CNTN4: variants seen among roughly 807,000 people sequenced by gnomAD.
The protein encoded by CNTN4 is contactin 4, also known as contactin-4.
Under a neutral mutation model 122.5 loss-of-function variants are expected in CNTN4, and 77 were observed. The observed-to-expected ratio is 0.63, with a 90% CI of 0.52 to 0.76. CNTN4 has a LOEUF of 0.76. CNTN4 is among the 30% of genes least tolerant of loss of function. CNTN4 has a pLI of 0.00. For missense variants in CNTN4, 1,256 were observed against 1,259.1 expected (o/e 1.00, Z 0.04); for synonymous variants, 512 against 447.0 (o/e 1.15, Z -1.83).
intron 2 of CNTN4, among the ~76,000 whole-genome samples, chr3:2,186,749 A>C (rs1022408673): frequency 6.6e-6 from 1 of 152,142 alleles, no homozygotes; most frequent in South Asian, 2.1e-4. Context: ...GTGTCTGTTC[A>C]TATCCTTTGC....
At chr3:2,507,130 G>A (rs1352592329) in intron 3 of CNTN4, among the ~76,000 whole-genome samples, 1 of 152,148 alleles carries the variant, frequency 6.6e-6, no homozygotes, top group Non-Finnish European at 1.5e-5. Flanking sequence ...TTTATACTTA[G>A]TCGGGTTTTA....
At chr3:2,423,097 A>G (rs1256106039) in intron 3 of CNTN4, among the ~76,000 whole-genome samples, 2 of 152,218 alleles carry the variant, frequency 1.3e-5, no homozygotes, top group African/African-American at 4.8e-5. Context: ...ACTGATAACC[A>G]ATTAAATAAA....
chr3:2,801,368 G>A (rs1443543982), intron 6 of CNTN4, among the ~76,000 whole-genome samples: 1 of 152,162 alleles, frequency 6.6e-6, no homozygotes, highest in Admixed American at 6.6e-5. Context: ...CTCAAGCTGT[G>A]AAAGCAGTGA....
rs557914605 is a variant in CNTN4 at position 2,368,993 on chromosome 3, C to T, written c.-89+29760C>T. 1.5e-4 allele frequency among the ~76,000 whole-genome samples: 23 copies of T among 152,140 alleles called. No homozygotes were observed. The East Asian group carries it at 1.7e-3, about 12-fold the overall frequency. On this transcript the variant is annotated intron_variant, in intron 3 of 24. Transcript: ENST00000418658. Reference sequence around the variant, plus strand: ...AGGTTGGAGTGCAGTGGCAAGATCTCGGCTCCCTGCAACCTCCGCCTCCCA... The same window carrying T: ...AGGTTGGAGTGCAGTGGCAAGATCTTGGCTCCCTGCAACCTCCGCCTCCCA...
At chr3:2,549,501 T>G (rs901300790) in intron 3 of CNTN4, among the ~76,000 whole-genome samples, 41 of 152,196 alleles carry the variant, frequency 2.7e-4, no homozygotes, top group Admixed American at 7.9e-4. Flanking sequence ...TGGATTACAT[T>G]GATTGATTAG....
At chr3:2,386,583 A>G (rs907779904) in intron 3 of CNTN4, among the ~76,000 whole-genome samples, 1 of 152,190 alleles carries the variant, frequency 6.6e-6, no homozygotes, top group Non-Finnish European at 1.5e-5. Context: ...ACGTTTATGT[A>G]AGAGAAGCAA....
intron 4 of CNTN4, among the ~76,000 whole-genome samples, chr3:2,700,631 G>A (rs1290457937): frequency 7.4e-6 from 1 of 135,640 alleles, no homozygotes; most frequent in Non-Finnish European, 1.5e-5. Flanking sequence ...CACTGAGATA[G>A]AGTTAAAATA....
chr3:2,432,393 A>G (rs1212066570), intron 3 of CNTN4, among the ~76,000 whole-genome samples: 1 of 152,226 alleles, frequency 6.6e-6, no homozygotes, highest in Admixed American at 6.5e-5. Context: ...AGTCACAAAA[A>G]GTGATTAATG....
intron 2 of CNTN4, among the ~76,000 whole-genome samples, chr3:2,219,615 C>A (rs755458806): frequency 2.6e-5 from 4 of 152,062 alleles, no homozygotes; most frequent in Non-Finnish European, 5.9e-5. Flanking sequence ...TTGAAAGAAT[C>A]TTTAATTTAG....
At position 3,001,515 on chromosome 3, in the gene CNTN4, G is replaced by C. The variant is rs146358347; in HGVS notation, c.1486+13043G>C. 1.6e-4 allele frequency among the ~76,000 whole-genome samples: 24 copies of C among 152,288 alleles called. No homozygotes were observed. In the East Asian group the frequency reaches 3.9e-3, roughly 25 times the overall value. On this transcript the variant is annotated intron_variant, in intron 14 of 24. Coordinates refer to ENST00000418658, the MANE Select transcript of CNTN4 (RefSeq NM_175607.3). ...TAATTTGACTTGAACCCACAGACTTGTATTGTTTGGCTGTCAGAGTGTTTA... is the reference window on the plus strand; with the variant it reads ...TAATTTGACTTGAACCCACAGACTTCTATTGTTTGGCTGTCAGAGTGTTTA...
intron 4 of CNTN4, among the ~76,000 whole-genome samples, chr3:2,705,638 ATT>A (rs1455414452): frequency 0.074 from 4,863 of 66,046 alleles, 234 homozygotes; most frequent in African/African-American, 0.18. Flanking sequence ...AAATATATAT[ATT>A]ATATATAAAA....
chr3:2,513,779 T>C (rs757754356), intron 3 of CNTN4, among the ~76,000 whole-genome samples: 1 of 152,176 alleles, frequency 6.6e-6, no homozygotes, highest in African/African-American at 2.4e-5. Flanking sequence ...TTGCTTAATC[T>C]GCAGGAAAGT....
chr3:2,148,802 G>A (rs1218463301), intron 2 of CNTN4, among the ~76,000 whole-genome samples: 3 of 149,592 alleles, frequency 2.0e-5, no homozygotes, highest in East Asian at 4.0e-4. Flanking sequence ...GTATTATGAT[G>A]TGTTAATAAT....
chr3:2,231,726 A>G (rs1291342254), intron 2 of CNTN4, among the ~76,000 whole-genome samples: 1 of 152,222 alleles, frequency 6.6e-6, no homozygotes, highest in Non-Finnish European at 1.5e-5. Context: ...TCATTTATCT[A>G]AAACGAATGG....
intron 2 of CNTN4, among the ~76,000 whole-genome samples, chr3:2,203,774 A>G (rs2038215909): frequency 6.6e-6 from 1 of 152,098 alleles, no homozygotes; most frequent in Admixed American, 6.6e-5. Context: ...CACAACTCCT[A>G]AGAGGTGTGG....
intron 3 of CNTN4, among the ~76,000 whole-genome samples, chr3:2,543,693 T>C (rs919797900): frequency 1.3e-4 from 20 of 152,120 alleles, no homozygotes; most frequent in Non-Finnish European, 2.2e-4. Context: ...AGAGAGTTCA[T>C]GGGACAGACA....
At chr3:2,202,922 C>G (rs1419685753) in intron 2 of CNTN4, among the ~76,000 whole-genome samples, 1 of 151,684 alleles carries the variant, frequency 6.6e-6, no homozygotes, top group Admixed American at 6.6e-5. Flanking sequence ...CTCCCAAGTT[C>G]GAGATTCTCC....
chr3:2,499,826 T>C (rs1253210612), intron 3 of CNTN4, among the ~76,000 whole-genome samples: 2 of 152,108 alleles, frequency 1.3e-5, no homozygotes, highest in East Asian at 1.9e-4. Flanking sequence ...TTGGGGAAAA[T>C]TGACATCTTT....
intron 2 of CNTN4, among the ~76,000 whole-genome samples, chr3:2,211,115 C>A (rs1261700923): frequency 2.0e-5 from 3 of 152,086 alleles, no homozygotes; most frequent in African/African-American, 7.2e-5. Context: ...CTGGAGAGGC[C>A]TCAGGAAGCT....
Sources: allele counts gnomAD v4.1 joint callset (sites outside exome capture counted in the v4.1 genomes callset), GRCh38; gene constraint gnomAD v4.1.1; transcripts MANE v1.5; gene names NCBI Gene and HGNC (gene_info 2026-07-23, HGNC 2026-07-21).